MNAT1: variants seen among roughly 807,000 people sequenced by gnomAD.
The protein encoded by MNAT1 is MNAT1 component of CDK activating kinase.
MNAT1 carries 43 observed loss-of-function variants against 42.0 expected under a neutral mutation model. That is an observed-to-expected ratio of 1.02 (90% CI 0.80 to 1.32). The LOEUF (loss-of-function observed/expected upper bound fraction) is 1.32. Ranked by LOEUF, MNAT1 falls within the 40% of genes most tolerant of loss-of-function variation. The pLI is 0.00. For missense variants in MNAT1, 306 were observed against 350.4 expected, an observed-to-expected ratio of 0.87 and a Z score of 1.01; for synonymous variants, 118 against 120.0, an observed-to-expected ratio of 0.98 and a Z score of 0.11.
chr14:60,856,974 C>T (rs569766266), intron 6 of MNAT1, among the ~76,000 whole-genome samples: 13 of 152,224 alleles, frequency 8.5e-5, no homozygotes, highest in South Asian at 4.1e-4. Context: ...CCACTGTGCC[C>T]GGCCTCATTT....
intron 7 of MNAT1, among the ~76,000 whole-genome samples, chr14:60,930,194 T>C (rs971755893): frequency 6.6e-5 from 9 of 136,116 alleles, no homozygotes; most frequent in Non-Finnish European, 1.4e-4. Flanking sequence ...TACTAAAGAT[T>C]CTTCTTCCGT....
chr14:60,921,839 A>G (rs548064156), intron 7 of MNAT1, among the ~76,000 whole-genome samples: 1 of 152,174 alleles, frequency 6.6e-6, no homozygotes, highest in South Asian at 2.1e-4. Flanking sequence ...CATTTGCTAC[A>G]ATTTCCTGTG....
chr14:60,836,763 T>A (rs2033400797), intron 6 of MNAT1, among the ~76,000 whole-genome samples: 1 of 152,082 alleles, frequency 6.6e-6, no homozygotes, highest in South Asian at 2.1e-4. Context: ...AGAGCTTGAG[T>A]GTTGTGCCAG....
intron 1 of MNAT1, among the ~76,000 whole-genome samples, chr14:60,770,832 A>AT (rs1453581550): frequency 3.2e-4 from 48 of 152,128 alleles, no homozygotes; most frequent in Admixed American, 7.9e-4. Context: ...TATGAGTTAT[A>AT]TTTTTGATAT....
intron 7 of MNAT1, among the ~76,000 whole-genome samples, chr14:60,936,112 G>A (rs963775375): frequency 2.0e-5 from 3 of 152,098 alleles, no homozygotes; most frequent in African/African-American, 2.4e-5. Flanking sequence ...CCCCCAGTGC[G>A]CATGTGGGCA....
intron 6 of MNAT1, among the ~76,000 whole-genome samples, chr14:60,831,474 A>G (rs533841654): frequency 8.5e-5 from 13 of 152,282 alleles, no homozygotes; most frequent in Middle Eastern, 3.4e-3. Context: ...GATGGTTTCC[A>G]GCTTCATCCA....
At chr14:60,835,867 C>T (rs565121777) in intron 6 of MNAT1, among the ~76,000 whole-genome samples, 5 of 152,324 alleles carry the variant, frequency 3.3e-5, no homozygotes, top group African/African-American at 9.6e-5. Flanking sequence ...CTTTCAGGTA[C>T]ACCAGTCAAA....
chr14:60,878,898 G>A (rs2034489495), intron 6 of MNAT1, among the ~76,000 whole-genome samples: 1 of 152,130 alleles, frequency 6.6e-6, no homozygotes, highest in African/African-American at 2.4e-5. Context: ...AACAGTTTTG[G>A]CACCCATTGA....
chr14:60,907,231 G>A (rs1036092639), intron 7 of MNAT1, among the ~76,000 whole-genome samples: 1 of 151,996 alleles, frequency 6.6e-6, no homozygotes, highest in Non-Finnish European at 1.5e-5. Flanking sequence ...TCCAGAGTTC[G>A]AGACCAGCCT....
At chr14:60,872,833 CAT>C (rs376156926) in intron 6 of MNAT1, among the ~76,000 whole-genome samples, 64 of 141,472 alleles carry the variant, frequency 4.5e-4, no homozygotes, top group African/African-American at 1.2e-3. Flanking sequence ...ATCACACACA[CAT>C]ACACACACAC....
intron 6 of MNAT1, among the ~76,000 whole-genome samples, chr14:60,871,544 G>A (rs867630717): frequency 6.6e-6 from 1 of 151,640 alleles, no homozygotes; most frequent in Middle Eastern, 3.5e-3. Flanking sequence ...ATCTTTTCAT[G>A]TTCTTATTAG....
At chr14:60,813,949 T>A (rs759105452) in intron 5 of MNAT1, among the ~76,000 whole-genome samples, 1 of 152,176 alleles carries the variant, frequency 6.6e-6, no homozygotes, top group Non-Finnish European at 1.5e-5. Context: ...TCTATATTTT[T>A]AAAAAGATTT....
At chr14:60,780,338 CAG>C (rs1299979995) in intron 1 of MNAT1, 11 of 1,570,428 alleles carry the variant, frequency 7.0e-6, no homozygotes, top group Non-Finnish European at 8.8e-6. Context: ...AGAAAAGTCT[CAG>C]AAAGCTATTC....
intron 1 of MNAT1, among the ~76,000 whole-genome samples, chr14:60,744,310 T>G (rs1896553581): frequency 6.6e-6 from 1 of 152,172 alleles, no homozygotes; most frequent in Non-Finnish European, 1.5e-5. Context: ...TTTTGTATTT[T>G]TAGTAGAGAT....
intron 4 of MNAT1, among the ~76,000 whole-genome samples, chr14:60,811,183 A>G (rs923887061): frequency 3.3e-5 from 5 of 151,794 alleles, no homozygotes; most frequent in African/African-American, 7.3e-5. Flanking sequence ...CAAGTGTTCA[A>G]TCCATATTTG....
intron 1 of MNAT1, among the ~76,000 whole-genome samples, chr14:60,762,705 C>CAA (rs33957783): frequency 0.86 from 81,682 of 94,738 alleles, 36,013 homozygotes; most frequent in Non-Finnish European, 0.95. Flanking sequence ...GACTCTGTCT[C>CAA]AAAAAAAAAA....
chr14:60,910,310 T>G (rs528642600), intron 7 of MNAT1, among the ~76,000 whole-genome samples: 1 of 152,146 alleles, frequency 6.6e-6, no homozygotes, highest in Non-Finnish European at 1.5e-5. Flanking sequence ...ATTGAATGCC[T>G]TTTATTTCCT....
In MNAT1 at chr14:60,859,187, G is replaced by A. The variant is rs146941296; in HGVS notation, c.688-20527G>A. ...ATTCATGTAAGGTGTATACTTCAGT[G>A]GATTTATTTGGAGACCCAGGCATAT... On this transcript the variant is annotated intron_variant, in intron 6 of 7. Coordinates refer to ENST00000261245, the MANE Select transcript of MNAT1 (RefSeq NM_002431.4). Among the ~76,000 whole-genome samples, 225 of 152,246 alleles carry A rather than the reference G, an allele frequency of 1.5e-3. 1 individual carries two copies. The highest frequency in any genetic ancestry group is 5.1e-3 in the African/African-American group (211 of 41,558).
intron 7 of MNAT1, among the ~76,000 whole-genome samples, chr14:60,917,691 C>T (rs2035555676): frequency 6.7e-6 from 1 of 149,936 alleles, no homozygotes; most frequent in African/African-American, 2.5e-5. Context: ...GGCGTGATCT[C>T]GGCTCACTGC....
Sources: allele counts gnomAD v4.1 joint callset (sites outside exome capture counted in the v4.1 genomes callset), GRCh38; gene constraint gnomAD v4.1.1; transcripts MANE v1.5; gene names NCBI Gene and HGNC (gene_info 2026-07-23, HGNC 2026-07-21).